KCNN2: variants seen among roughly 807,000 people sequenced by gnomAD.
KCNN2 encodes small conductance calcium-activated potassium channel protein 2.
KCNN2 carries 24 observed loss-of-function variants against 55.5 expected under a neutral mutation model. That is an observed-to-expected ratio of 0.43 (90% CI 0.31 to 0.61). KCNN2 has a LOEUF of 0.61. Among genes scored for constraint, KCNN2 ranks in the 20% least tolerant of loss-of-function variants. The pLI is 0.08. For synonymous variants in KCNN2, 431 were observed against 336.1 expected (o/e 1.28, Z -3.09); for missense variants, 754 against 853.6 (o/e 0.88, Z 1.45).
chr5:114,398,479 T>C (rs932394808), intron 2 of KCNN2, among the ~76,000 whole-genome samples: 3 of 146,238 alleles, frequency 2.1e-5, no homozygotes, highest in Non-Finnish European at 3.0e-5. Context: ...GCTTCCAGTA[T>C]TGTTGTTTTT....
chr5:114,422,697 C>T (rs1429807439), intron 3 of KCNN2, among the ~76,000 whole-genome samples: 2 of 151,986 alleles, frequency 1.3e-5, no homozygotes, highest in African/African-American at 2.4e-5. Context: ...TTTTAAATAC[C>T]CTTCAGTAAG....
intron 1 of KCNN2, among the ~76,000 whole-genome samples, chr5:114,090,309 G>A (rs1326297150): frequency 6.6e-6 from 1 of 152,080 alleles, no homozygotes; most frequent in Non-Finnish European, 1.5e-5. Flanking sequence ...ATCTTCTGTG[G>A]CACACTCAAG....
intron 2 of KCNN2, chr5:114,253,378 A>C (rs892498366): frequency 1.3e-5 from 2 of 152,186 alleles, no homozygotes; most frequent in Admixed American, 6.5e-5. Flanking sequence ...GGTAGACAGA[A>C]GCAGAGAAAA....
intron 1 of KCNN2, among the ~76,000 whole-genome samples, chr5:114,197,658 T>C (rs1753587389): frequency 6.6e-6 from 1 of 151,908 alleles, no homozygotes; most frequent in Admixed American, 6.6e-5. Flanking sequence ...GGAATAAGAG[T>C]GGCTGCAACA....
intron 2 of KCNN2, among the ~76,000 whole-genome samples, chr5:114,270,870 A>T (rs1755315781): frequency 6.6e-6 from 1 of 152,150 alleles, no homozygotes; most frequent in Non-Finnish European, 1.5e-5. Context: ...ATGTGTCCAC[A>T]GTTTCTTCCT....
At chr5:114,168,645 C>T (rs1046539114) in intron 1 of KCNN2, among the ~76,000 whole-genome samples, 14 of 151,994 alleles carry the variant, frequency 9.2e-5, no homozygotes, top group East Asian at 1.9e-4. Context: ...CTAAGCTCTC[C>T]GTTCTCAGTG....
intron 1 of KCNN2, among the ~76,000 whole-genome samples, chr5:114,187,886 C>A (rs183225019): frequency 0.017 from 2,591 of 150,906 alleles, 66 homozygotes; most frequent in African/African-American, 0.06. Context: ...GCAATCTCGG[C>A]TCACTGCAAC....
intron 2 of KCNN2, among the ~76,000 whole-genome samples, chr5:114,370,933 C>G (rs1185277589): frequency 1.3e-5 from 2 of 150,830 alleles, no homozygotes; most frequent in Non-Finnish European, 2.9e-5. Flanking sequence ...GAGAATTGGT[C>G]TGGATACTAT....
chr5:114,078,296 C>T (rs1336527517), intron 1 of KCNN2, among the ~76,000 whole-genome samples: 1 of 152,126 alleles, frequency 6.6e-6, no homozygotes, highest in African/African-American at 2.4e-5. Flanking sequence ...AAAGCAATGA[C>T]CTTGATGGAA....
At chr5:114,066,671 C>G (rs545982014) in intron 1 of KCNN2, among the ~76,000 whole-genome samples, 1 of 152,276 alleles carries the variant, frequency 6.6e-6, no homozygotes, top group Non-Finnish European at 1.5e-5. Context: ...CCTCTGCCTC[C>G]TGGGTTCAAG....
intron 2 of KCNN2, among the ~76,000 whole-genome samples, chr5:114,248,022 C>A (rs1354149304): frequency 1.3e-5 from 2 of 152,198 alleles, no homozygotes; most frequent in African/African-American, 2.4e-5. Context: ...GAACTCTAGA[C>A]TCTTCTTACA....
chr5:114,353,424 T>C (rs1157656169), intron 2 of KCNN2, among the ~76,000 whole-genome samples: 4 of 151,920 alleles, frequency 2.6e-5, no homozygotes, highest in African/African-American at 9.7e-5. Flanking sequence ...TTCTATATTA[T>C]AGACCAAGCA....
intron 1 of KCNN2, among the ~76,000 whole-genome samples, chr5:114,064,560 C>G (rs1431236904): frequency 1.3e-5 from 2 of 152,168 alleles, no homozygotes; most frequent in African/African-American, 2.4e-5. Flanking sequence ...GTAGCTAAAT[C>G]TAACCCGGCG....
intron 1 of KCNN2, among the ~76,000 whole-genome samples, chr5:114,153,818 TC>T (rs929104803): frequency 6.6e-6 from 1 of 152,166 alleles, no homozygotes; most frequent in Non-Finnish European, 1.5e-5. Flanking sequence ...CCAAACGATC[TC>T]CAGGAAGAGA....
At position 114,125,725 on chromosome 5, in the gene KCNN2, T is replaced by C. The variant is rs1049703574; in HGVS notation, c.-271+69225T>C. On this transcript the variant is annotated intron_variant, in intron 1 of 10. Transcript: ENST00000512097. ...GAGGTTAGAAGTGTGAGATCAATGA[T>C]TGGTTTATTCTGAGGCCTCTCTCTT... Among the ~76,000 whole-genome samples the C allele has an allele frequency of 5.3e-5, 8 of 152,084 alleles. No individual in the cohort carries two copies. In the East Asian group the frequency reaches 7.7e-4, roughly 15 times the overall value.
chr5:114,142,328 C>A (rs1372438830), intron 1 of KCNN2, among the ~76,000 whole-genome samples: 1 of 152,048 alleles, frequency 6.6e-6, no homozygotes, highest in African/African-American at 2.4e-5. Flanking sequence ...AGGAAGGGAT[C>A]CAGTTTCAGC....
At position 114,159,518 on chromosome 5, in the gene KCNN2, A is replaced by G. The variant is rs1173750006; in HGVS notation, c.-270-61962A>G. Among the ~76,000 whole-genome samples, 5 of 152,194 alleles carry G rather than the reference A, an allele frequency of 3.3e-5. 1 individual carries two copies. The highest frequency in any genetic ancestry group is 4.8e-5 in the African/African-American group (2 of 41,454). ...GGTATCAGGATGATGCTGGCCTCAT[A>G]AAATGAGTTAGGAAGGATTCCCTCT... is the stretch of plus-strand genomic sequence containing the variant. On this transcript the variant is annotated intron_variant, in intron 1 of 10. Coordinates refer to the KCNN2 transcript ENST00000512097.
intron 2 of KCNN2, among the ~76,000 whole-genome samples, chr5:114,236,569 T>C (rs1374993019): frequency 6.6e-6 from 1 of 152,156 alleles, no homozygotes. Context: ...TTTACTAAAG[T>C]AAAAGCTGAG....
At chr5:114,184,996 A>G (rs1753302788) in intron 1 of KCNN2, among the ~76,000 whole-genome samples, 1 of 152,254 alleles carries the variant, frequency 6.6e-6, no homozygotes, top group South Asian at 2.1e-4. Flanking sequence ...CAATTCTAGC[A>G]AGGCTGTTTT....
Sources: allele counts gnomAD v4.1 joint callset (sites outside exome capture counted in the v4.1 genomes callset), GRCh38; gene constraint gnomAD v4.1.1; transcripts MANE v1.5; gene names NCBI Gene and HGNC (gene_info 2026-07-23, HGNC 2026-07-21).